The following MYO1D variants were observed in gnomAD, a reference collection of about 807,000 sequenced individuals.
MYO1D encodes myosin ID, also known as unconventional myosin-Id.
In MYO1D, 83 loss-of-function variants were observed where a neutral mutation model predicts 122.0. The ratio of observed to expected loss-of-function variants is 0.68; its 90% confidence interval spans 0.57 to 0.82. The LOEUF is 0.82. Ranked by LOEUF, MYO1D falls within the 40% of genes least tolerant of loss-of-function variation. The pLI is 0.00. For synonymous variants in MYO1D, 464 were observed against 446.9 expected, an observed-to-expected ratio of 1.04 and a Z score of -0.48; for missense variants, 1,157 against 1,269.5, an observed-to-expected ratio of 0.91 and a Z score of 1.35.
At chr17:32,646,975 A>T (rs1357932566) in intron 19 of MYO1D, among the ~76,000 whole-genome samples, 1 of 152,244 alleles carries the variant, frequency 6.6e-6, no homozygotes, top group Non-Finnish European at 1.5e-5. Flanking sequence ...TAGAAAAACT[A>T]GATTATAGAC....
chr17:32,594,592 G>A, intron 21 of MYO1D: 1 of 651,548 alleles, frequency 1.5e-6, no homozygotes, highest in Non-Finnish European at 2.8e-6. Context: ...TATATTATTG[G>A]CCTTTTCAGA....
intron 17 of MYO1D, among the ~76,000 whole-genome samples, chr17:32,655,609 C>T (rs566066490): frequency 5.9e-5 from 9 of 152,028 alleles, no homozygotes; most frequent in East Asian, 1.9e-4. Flanking sequence ...GCAAAGGCTC[C>T]GGGATGTGAG....
At chr17:32,649,117 ACT>A (rs2150946998) in intron 19 of MYO1D, among the ~76,000 whole-genome samples, 1 of 151,908 alleles carries the variant, frequency 6.6e-6, no homozygotes, top group South Asian at 2.1e-4. Context: ...TATATTATAA[ACT>A]CTACACTACT....
At chr17:32,715,153 C>T (rs1384945069) in intron 15 of MYO1D, among the ~76,000 whole-genome samples, 1 of 152,108 alleles carries the variant, frequency 6.6e-6, no homozygotes, top group Non-Finnish European at 1.5e-5. Context: ...AGTAAAAAGT[C>T]AAGAAACAAC....
chr17:32,833,625 C>G (rs2090792677), intron 1 of MYO1D, among the ~76,000 whole-genome samples: 1 of 152,228 alleles, frequency 6.6e-6, no homozygotes, highest in Non-Finnish European at 1.5e-5. Context: ...CCTTCCTGGC[C>G]TTACTGGCCT....
chr17:32,620,123 C>T lies in MYO1D; in HGVS notation c.2710-14882G>A, dbSNP rs567287939. On this transcript the variant is annotated intron_variant, in intron 20 of 21. Coordinates refer to ENST00000318217, the MANE Select transcript of MYO1D (RefSeq NM_015194.3). ...CCGCTCTTGTGGGGAGTATGACAGG[C>T]GCCTCATAGCCTCCAGGAGTGGGTG... Among the ~76,000 whole-genome samples, 65 of 152,274 alleles carry T rather than the reference C, an allele frequency of 4.3e-4. 2 individuals are homozygous for T. The highest frequency in any genetic ancestry group is 1.4e-3 in the African/African-American group (59 of 41,552).
intron 21 of MYO1D, among the ~76,000 whole-genome samples, chr17:32,561,965 A>G (rs2087129981): frequency 6.6e-6 from 1 of 150,718 alleles, no homozygotes; most frequent in Non-Finnish European, 1.5e-5. Flanking sequence ...AGCAGTCAGC[A>G]TAAACCATTT....
chr17:32,862,923 A>G (rs531123785), intron 1 of MYO1D: 5 of 152,366 alleles, frequency 3.3e-5, no homozygotes, highest in Non-Finnish European at 7.3e-5. Context: ...AAGGAGGCTT[A>G]ATAAATCACC....
chr17:32,733,686 G>A (rs2089665892), intron 14 of MYO1D, among the ~76,000 whole-genome samples: 1 of 152,138 alleles, frequency 6.6e-6, no homozygotes, highest in Admixed American at 6.5e-5. Flanking sequence ...TATATTCAAA[G>A]TTACACACTT....
chr17:32,716,548 C>T (rs8079514), intron 15 of MYO1D, among the ~76,000 whole-genome samples: 68,696 of 152,040 alleles, frequency 0.45, 15,875 homozygotes, highest in East Asian at 0.73. Context: ...TAGATGGGGG[C>T]AGAGATCAAA....
intron 21 of MYO1D, among the ~76,000 whole-genome samples, chr17:32,596,516 G>A (rs1035905481): frequency 3.9e-4 from 59 of 152,220 alleles, no homozygotes; most frequent in African/African-American, 1.4e-3. Context: ...CTGCTGGCCT[G>A]CTTATCGGTA....
At chr17:32,651,582 A>G (rs532730227) in intron 19 of MYO1D, among the ~76,000 whole-genome samples, 28 of 152,002 alleles carry the variant, frequency 1.8e-4, no homozygotes, top group African/African-American at 4.8e-4. Flanking sequence ...ATTTCAGGGA[A>G]CATTGTCTTT....
intron 14 of MYO1D, chr17:32,735,042 T>A (rs1270412526): frequency 4.7e-5 from 7 of 150,504 alleles, no homozygotes; most frequent in Non-Finnish European, 1.0e-4. Flanking sequence ...GATCGCACCA[T>A]GGCACTCCAA....
At chr17:32,557,279 C>T (rs1239115580) in intron 21 of MYO1D, among the ~76,000 whole-genome samples, 6 of 151,870 alleles carry the variant, frequency 4.0e-5, no homozygotes, top group African/African-American at 9.7e-5. Flanking sequence ...CTACCACGCC[C>T]GGCTAATTTT....
Position 32,776,008 on chromosome 17 carries a change from C to T in MYO1D, c.420G>A (p.Lys140=), listed in dbSNP as rs1296189321. The T allele has an allele frequency of 1.2e-6, 2 of 1,613,800 alleles. No individual in the cohort carries two copies. The highest frequency in any genetic ancestry group is 1.7e-6 in the Non-Finnish European group (2 of 1,179,874). ...CAAAAGCTTCCAAAACACAGTTGGA[C>T]TTAAGCAACATATTCTTCACTCTTT... The part of the protein sequence containing the change: ...EVERVKNMLL[K]SNCVLEAFGN... Residue 140 remains lysine (K), a synonymous_variant, in exon 4 of 22, where the codon AAG becomes AAA. Transcript: ENST00000318217.
intron 21 of MYO1D, among the ~76,000 whole-genome samples, chr17:32,579,593 C>A (rs1195955310): frequency 6.6e-6 from 1 of 152,178 alleles, no homozygotes; most frequent in African/African-American, 2.4e-5. Context: ...GTGAAACCAT[C>A]ACTGCACTCA....
intron 1 of MYO1D, among the ~76,000 whole-genome samples, chr17:32,831,049 C>A (rs2090767288): frequency 6.6e-6 from 1 of 152,090 alleles, no homozygotes; most frequent in South Asian, 2.1e-4. Context: ...GTGCAAGACT[C>A]CGTCTCGAAT....
At chr17:32,514,848 A>G (rs1384945722) in intron 21 of MYO1D, among the ~76,000 whole-genome samples, 1 of 152,222 alleles carries the variant, frequency 6.6e-6, no homozygotes, top group Non-Finnish European at 1.5e-5. Context: ...ATTTCTAGGA[A>G]TGTTGCTTAA....
intron 10 of MYO1D, among the ~76,000 whole-genome samples, chr17:32,758,856 T>C (rs1463577201): frequency 2.6e-5 from 4 of 152,268 alleles, no homozygotes; most frequent in African/African-American, 9.6e-5. Context: ...AAATAGTTCT[T>C]GGTTTATTTA....
Sources: gnomAD v4.1 joint callset for allele counts (sites outside exome capture counted in the v4.1 genomes callset) on GRCh38, gnomAD v4.1.1 for gene constraint, MANE v1.5 for transcripts, NCBI Gene and HGNC (gene_info 2026-07-23, HGNC 2026-07-21) for gene names.